Variants in DTX1 observed in about 807,000 individuals in gnomAD.
DTX1 encodes the protein deltex E3 ubiquitin ligase 1, also known as E3 ubiquitin-protein ligase DTX1.
In DTX1, 26 loss-of-function variants were observed where a neutral mutation model predicts 57.8. The ratio of observed to expected loss-of-function variants is 0.45; its 90% confidence interval spans 0.33 to 0.62. DTX1 has a LOEUF of 0.62. Ranked by LOEUF, DTX1 falls within the 20% of genes least tolerant of loss-of-function variation. The pLI is 0.02. For synonymous variants in DTX1, 398 were observed against 394.1 expected, an observed-to-expected ratio of 1.01 and a Z score of -0.12; for missense variants, 704 against 895.3, an observed-to-expected ratio of 0.79 and a Z score of 2.73.
chr12:113,078,162 C>T, intron 3 of DTX1, 57 bp downstream of exon 3: 4 of 1,268,080 alleles, frequency 3.2e-6, no homozygotes, highest in Non-Finnish European at 3.0e-6. Context: ...AAGGACGAAG[C>T]CCGGGGGTGG....
intron 2 of DTX1, among the ~76,000 whole-genome samples, chr12:113,075,321 T>A (rs2044764115): frequency 6.6e-6 from 1 of 152,188 alleles, no homozygotes; most frequent in Non-Finnish European, 1.5e-5. Context: ...GCAGCTGTTC[T>A]CACTCACTCC....
intron 1 of DTX1, among the ~76,000 whole-genome samples, 158 bp downstream of exon 1, chr12:113,057,102 C>T (rs537396399): frequency 3.0e-4 from 45 of 152,178 alleles, no homozygotes; most frequent in Middle Eastern, 3.4e-3. Context: ...GACGCGACCC[C>T]CGAGGGGCCC....
rs1270505759 is a variant in DTX1 at position 113,080,613 on chromosome 12, TGGAAC to T, written c.941+2513_941+2517del. On this transcript the variant is annotated intron_variant, in intron 3 of 9. Transcript: ENST00000548759. Reference sequence around the variant, plus strand: ...CAGAATGGAATGGAATGGAATGGAATGGAACGGAATGGAAAACAGAATAGAACTAG... The same window carrying T: ...CAGAATGGAATGGAATGGAATGGAATGGAATGGAAAACAGAATAGAACTAG... 4.4e-3 allele frequency among the ~76,000 whole-genome samples: 671 copies of T among 152,116 alleles called. 7 individuals carry two copies. The highest frequency in any genetic ancestry group is 0.016 in the African/African-American group (644 of 41,488).
chr12:113,072,407 G>A (rs191764283), intron 2 of DTX1, among the ~76,000 whole-genome samples: 57 of 152,324 alleles, frequency 3.7e-4, no homozygotes, highest in African/African-American at 1.3e-3. Context: ...CCATGTTGGA[G>A]GAGATGAGCA....
rs1293701573 is a variant in DTX1, at chr12:113,077,521, G to A, written c.357G>A (p.Thr119=). The A allele has an allele frequency of 5.0e-6, 8 of 1,613,592 alleles. No homozygotes were observed. The South Asian group carries it at 6.6e-5, about 13-fold the overall frequency. ...GGGAGAACGACGGCGGCGCATGGAC[G>A]GCCTACGATATGGACATCTGCATCA... ...WEWENDGGAW[T]AYDMDICITI... is the part of the protein sequence containing the mutation. The change falls in exon 3 of 10, where the codon ACG becomes ACA. Residue 119 remains threonine (T), a synonymous_variant. Transcript: ENST00000548759. This position sits in a 1 kb window ranked among gnomAD's most constrained non-coding sequence, Gnocchi z 7.8.
chr12:113,093,322 G>A lies in DTX1; in HGVS notation c.1003+99G>A. The A allele has an allele frequency of 7.0e-7, 1 of 1,430,908 alleles. No individual in the cohort carries two copies. Among genetic ancestry groups the A allele is most frequent in the South Asian group, 1.3e-5 (1 of 77,346 alleles). The allele number at this position is 1,430,908 out of a possible 1,614,324, so 88.6% of individuals were successfully genotyped here. A position where few individuals can be genotyped will look rare whatever the true frequency, so the allele number is the denominator to read the frequency against. ...CCGCCCCCGAGATGGGCTGGTGAGCGTGGCCCGGAGGAAACGCCCCCTTCC... is the reference window on the plus strand; with the variant it reads ...CCGCCCCCGAGATGGGCTGGTGAGCATGGCCCGGAGGAAACGCCCCCTTCC... On this transcript the variant is annotated intron_variant, in intron 4 of 9. Coordinates refer to ENST00000548759, the MANE Select transcript of DTX1 (RefSeq NM_004416.3). This position sits in a 1 kb window ranked among gnomAD's most constrained non-coding sequence, Gnocchi z 4.2.
Position 113,058,365 on chromosome 12 carries a change from G to T in DTX1, c.173G>T (p.Gly58Val), listed in dbSNP as rs1456848938. 6.2e-7 allele frequency: 1 copy of T among 1,611,950 alleles called. No homozygotes were observed. The highest frequency in any genetic ancestry group is 1.3e-5 in the African/African-American group (1 of 74,936). The change falls in exon 2 of 10, where the codon GGT becomes GTT. Residue 58 changes from glycine (G) to valine (V), a missense_variant. By Grantham distance (109) the Gly-to-Val change is moderately radical (BLOSUM62 -3). Around this residue, in one of 3 missense-constraint regions of DTX1, gnomAD observed 237 missense variants for 328.6 expected, o/e 0.72. Coordinates refer to ENST00000548759, the MANE Select transcript of DTX1 (RefSeq NM_004416.3). The stretch of plus-strand genomic sequence containing the variant: ...AACGTGCTGAAGGAGGACGCTCGCG[G>T]TTCCGTGGTCCTGGGGCAGGTGGAC... ...IENVLKEDARGSVVLGQVDAQ... is the reference protein window; with the variant it reads ...IENVLKEDARVSVVLGQVDAQ...
intron 3 of DTX1, among the ~76,000 whole-genome samples, chr12:113,090,407 C>T (rs2464289): frequency 0.81 from 123,869 of 152,132 alleles, 50,511 homozygotes; most frequent in South Asian, 0.87. Flanking sequence ...TCCTGGGGCC[C>T]CCCCGCAGGG....
Position 113,092,699 on chromosome 12 carries a change from CAG to C in DTX1, c.942-458_942-457del, listed in dbSNP as rs575959220. ...ATATGCTCAGATATGTTGTGAATTT[CAG>C]AGAGGGAGACAGTGACGTGTTCCTA... On this transcript the variant is annotated intron_variant, in intron 3 of 9. Transcript: ENST00000548759. Among the ~76,000 whole-genome samples, 12 of 152,340 alleles carry C rather than the reference CAG, an allele frequency of 7.9e-5. No homozygotes were observed. The South Asian group carries it at 1.4e-3, about 18-fold the overall frequency.
At chr12:113,094,756 C>A in intron 6 of DTX1, 33 bp from the exon 7 acceptor site, 1 of 1,603,264 alleles carries the variant, frequency 6.2e-7, no homozygotes, top group East Asian at 2.2e-5. Context: ...CCTGCCCTCC[C>A]CAGTCCTCAG....
chr12:113,092,084 G>A (rs1344153514), intron 3 of DTX1, among the ~76,000 whole-genome samples: 1 of 152,178 alleles, frequency 6.6e-6, no homozygotes, highest in Non-Finnish European at 1.5e-5. Flanking sequence ...GGTAACTGAG[G>A]ATCAAGAAGT....
Position 113,058,381 on chromosome 12 carries a change from G to A in DTX1, c.189G>A (p.Gly63=). Residue 63 remains glycine (G), a synonymous_variant, in exon 2 of 10, where the codon GGG becomes GGA. Transcript: ENST00000548759. ...KEDARGSVVL[G]QVDAQLVPYI... ...ACGCTCGCGGTTCCGTGGTCCTGGG[G>A]CAGGTGGACGCCCAGCTTGTGCCCT... 6.2e-7 allele frequency: 1 copy of A among 1,610,232 alleles called. No homozygotes were observed.
rs777228921 is a variant in DTX1, at chr12:113,058,501, C to T, written c.259+50C>T. The T allele has an allele frequency of 7.7e-6, 12 of 1,557,012 alleles. 1 individual carries two copies. The highest frequency in any genetic ancestry group is 4.8e-5 in the South Asian group (4 of 83,020). On this transcript the variant is annotated intron_variant, in intron 2 of 9. Transcript: ENST00000548759. ...ACCCGCCCCGCCGAGCCATCACTAC[C>T]TTGCAGCGTAGGATGCTGAAAATCC...
chr12:113,091,440 T>C (rs905716413), intron 3 of DTX1, among the ~76,000 whole-genome samples: 16 of 124,274 alleles, frequency 1.3e-4, no homozygotes, highest in Non-Finnish European at 3.0e-4. Flanking sequence ...GGTATCTGTG[T>C]GTCTGTGTGT....
chr12:113,064,105 T>C (rs7298895), intron 2 of DTX1, among the ~76,000 whole-genome samples: 45,789 of 152,102 alleles, frequency 0.3, 7,339 homozygotes, highest in Middle Eastern at 0.46. Context: ...CAGCCTGCAC[T>C]ACCCTGGAGG....
chr12:113,091,700 C>T (rs1213726325), intron 3 of DTX1, among the ~76,000 whole-genome samples: 2 of 148,122 alleles, frequency 1.4e-5, no homozygotes, highest in East Asian at 3.9e-4. Flanking sequence ...CTTTCTGGTG[C>T]CAACTGTGCC....
chr12:113,060,785 AGG>A (rs34020980), intron 2 of DTX1, among the ~76,000 whole-genome samples: 4 of 152,162 alleles, frequency 2.6e-5, no homozygotes, highest in Non-Finnish European at 4.4e-5. Flanking sequence ...GTTTTCTCCT[AGG>A]GGTAGAGGGC....
chr12:113,093,307 G>T lies in DTX1; in HGVS notation c.1003+84G>T, dbSNP rs963872337. ...TGTCACCCGGTGACCCCGCCCCCGA[G>T]ATGGGCTGGTGAGCGTGGCCCGGAG... is the stretch of plus-strand genomic sequence containing the variant. On this transcript the variant is annotated intron_variant, in intron 4 of 9. Coordinates refer to ENST00000548759, the MANE Select transcript of DTX1 (RefSeq NM_004416.3). This position sits in a 1 kb window ranked among gnomAD's most constrained non-coding sequence, Gnocchi z 4.2. 2 of 1,482,772 alleles carry T rather than the reference G, an allele frequency of 1.3e-6. No individual in the cohort carries two copies. Among genetic ancestry groups the T allele is most frequent in the Non-Finnish European group, 1.8e-6 (2 of 1,092,304 alleles). 91.9% of individuals were successfully genotyped at this position (1,482,772 alleles called of 1,614,324 possible).
chr12:113,071,082 C>G (rs2044735056), intron 2 of DTX1, among the ~76,000 whole-genome samples: 1 of 152,256 alleles, frequency 6.6e-6, no homozygotes, highest in South Asian at 2.1e-4. Context: ...CAAGCTCGTT[C>G]TATCTCTGAC....
Sources: gnomAD v4.1 joint callset for allele counts (sites outside exome capture counted in the v4.1 genomes callset) on GRCh38, gnomAD v4.1.1 for gene constraint, gnomAD v4.1.1 regional missense constraint, Gnocchi (gnomAD v3.1) non-coding constraint, MANE v1.5 for transcripts, NCBI Gene and HGNC (gene_info 2026-07-23, HGNC 2026-07-21) for gene names.